TECRL: variants seen among roughly 807,000 people sequenced by gnomAD.
TECRL encodes trans-2,3-enoyl-CoA reductase like, also known as trans-2,3-enoyl-CoA reductase-like.
Under a neutral mutation model 52.8 loss-of-function variants are expected in TECRL, and 63 were observed. That is an observed-to-expected ratio of 1.19 (90% CI 0.97 to 1.47). The LOEUF is 1.47. TECRL is among the 40% of genes most tolerant of loss of function. TECRL has a pLI of 0.00. For synonymous variants in TECRL, 164 were observed against 141.9 expected (o/e 1.16, Z -1.10); for missense variants, 482 against 429.6 (o/e 1.12, Z -1.08).
At position 64,303,139 on chromosome 4, in the gene TECRL, T is replaced by G. The variant is rs574270308; in HGVS notation, c.730+2027A>C. On this transcript the variant is annotated intron_variant, in intron 7 of 11. Coordinates refer to ENST00000381210, the MANE Select transcript of TECRL (RefSeq NM_001010874.5). ...ATAAATCTATTAATTATAATCAAAG[T>G]TTTGAAATGGGAAAATATTCTATTA... Among the ~76,000 whole-genome samples, 19 of 151,484 alleles carry G rather than the reference T, an allele frequency of 1.3e-4. 1 individual carries two copies. The highest frequency in any genetic ancestry group is 4.3e-4 in the African/African-American group (18 of 41,500).
intron 2 of TECRL, among the ~76,000 whole-genome samples, chr4:64,340,335 G>C (rs920724432): frequency 1.3e-5 from 2 of 152,236 alleles, no homozygotes; most frequent in African/African-American, 4.8e-5. Flanking sequence ...AATCATGGCT[G>C]CAGGCCCAGG....
chr4:64,341,663 G>C (rs914683726), intron 2 of TECRL, among the ~76,000 whole-genome samples: 1 of 152,116 alleles, frequency 6.6e-6, no homozygotes, highest in African/African-American at 2.4e-5. Flanking sequence ...TGAAGAGAAG[G>C]AGAGAAAAGC....
At chr4:64,331,434 T>A (rs922027987) in intron 2 of TECRL, among the ~76,000 whole-genome samples, 8 of 152,046 alleles carry the variant, frequency 5.3e-5, no homozygotes. Flanking sequence ...TTAGGTAACA[T>A]AGCTTAAAAC....
chr4:64,296,382 T>C (rs193220470), intron 8 of TECRL, among the ~76,000 whole-genome samples: 23 of 151,992 alleles, frequency 1.5e-4, no homozygotes, highest in Admixed American at 2.6e-4. Context: ...TATTTTTTTT[T>C]CTTCTCCAAG....
chr4:64,366,906 T>A (rs1270237180), intron 2 of TECRL, among the ~76,000 whole-genome samples: 8 of 151,892 alleles, frequency 5.3e-5, no homozygotes, highest in Non-Finnish European at 1.2e-4. Flanking sequence ...TGAAGGAATA[T>A]GTCATTCTAC....
At chr4:64,390,031 C>T (rs1723439038) in intron 1 of TECRL, among the ~76,000 whole-genome samples, 2 of 151,804 alleles carry the variant, frequency 1.3e-5, no homozygotes, top group South Asian at 4.1e-4. Context: ...CTGACTTCTA[C>T]CTGATGAGTG....
chr4:64,291,205 A>G (rs1360954748), intron 8 of TECRL, among the ~76,000 whole-genome samples: 1 of 152,066 alleles, frequency 6.6e-6, no homozygotes, highest in Non-Finnish European at 1.5e-5. Context: ...AATTGAGTAA[A>G]GTCAAGTACC....
chr4:64,325,633 A>G (rs1560500882), intron 3 of TECRL, among the ~76,000 whole-genome samples: 1 of 152,206 alleles, frequency 6.6e-6, no homozygotes, highest in Non-Finnish European at 1.5e-5. Context: ...AATTGTCAGT[A>G]GTATTAAGAC....
intron 1 of TECRL, among the ~76,000 whole-genome samples, chr4:64,394,259 G>T (rs1723762171): frequency 6.6e-6 from 1 of 152,124 alleles, no homozygotes; most frequent in Non-Finnish European, 1.5e-5. Context: ...CTGCAGTATG[G>T]CAGGTAGCGT....
In TECRL at chr4:64,324,231, C is replaced by A. The variant is rs150984143; in HGVS notation, c.332-1439G>T. ...ATGTAAAAAAATATCTTTTTAAGCACTATTTATAATAAAATATTTGAAAAA... is the reference window on the plus strand; with the variant it reads ...ATGTAAAAAAATATCTTTTTAAGCAATATTTATAATAAAATATTTGAAAAA... On this transcript the variant is annotated intron_variant, in intron 3 of 11. Transcript: ENST00000381210. Among the ~76,000 whole-genome samples, 1,193 of 152,000 alleles carry A rather than the reference C, an allele frequency of 7.8e-3. 19 individuals carry two copies. Among genetic ancestry groups the A allele is most frequent in the African/African-American group, 0.027 (1,120 of 41,442 alleles).
At chr4:64,338,159 C>A (rs1719257777) in intron 2 of TECRL, among the ~76,000 whole-genome samples, 1 of 152,048 alleles carries the variant, frequency 6.6e-6, no homozygotes, top group South Asian at 2.1e-4. Flanking sequence ...TTTGACAAAC[C>A]TGACAAAAAC....
intron 8 of TECRL, among the ~76,000 whole-genome samples, 196 bp from the exon 9 acceptor site, chr4:64,289,963 A>T (rs937652218): frequency 2.0e-5 from 3 of 152,186 alleles, no homozygotes; most frequent in African/African-American, 7.2e-5. Context: ...TATATTGAAT[A>T]AAAAGTCACA....
At chr4:64,345,084 T>C (rs564806725) in intron 2 of TECRL, among the ~76,000 whole-genome samples, 4 of 152,202 alleles carry the variant, frequency 2.6e-5, no homozygotes, top group South Asian at 2.1e-4. Flanking sequence ...TGTGGAGAAA[T>C]AGGAACACTT....
chr4:64,346,253 C>A (rs947199896), intron 2 of TECRL, among the ~76,000 whole-genome samples: 25 of 152,198 alleles, frequency 1.6e-4, no homozygotes, highest in African/African-American at 5.1e-4. Context: ...GTGGATCTAC[C>A]ATTCTGGGAT....
At chr4:64,301,467 G>A (rs779508922) in intron 7 of TECRL, among the ~76,000 whole-genome samples, 3 of 151,086 alleles carry the variant, frequency 2.0e-5, no homozygotes, top group Admixed American at 6.6e-5. Flanking sequence ...TCAAGAATTC[G>A]CATGACAGGC....
At chr4:64,314,478 G>C (rs1428197737) in intron 5 of TECRL, among the ~76,000 whole-genome samples, 170 bp downstream of exon 5, 1 of 152,058 alleles carries the variant, frequency 6.6e-6, no homozygotes, top group Non-Finnish European at 1.5e-5. Context: ...TACACTATGT[G>C]TGGTTATCTA....
chr4:64,303,901 ATTTGAGTCCTAAT>A (rs1204515944), intron 7 of TECRL, among the ~76,000 whole-genome samples: 1 of 151,838 alleles, frequency 6.6e-6, no homozygotes, highest in Non-Finnish European at 1.5e-5. Flanking sequence ...TTTTCACAGA[ATTTGAGTCCTAAT>A]TGTATCTTAT....
intron 5 of TECRL, among the ~76,000 whole-genome samples, chr4:64,310,490 G>T (rs1487618320): frequency 6.6e-6 from 1 of 151,946 alleles, no homozygotes; most frequent in Admixed American, 6.6e-5. Context: ...TTGTGTGTTT[G>T]TTTGTGTTGC....
chr4:64,349,253 C>T (rs1156601176), intron 2 of TECRL, among the ~76,000 whole-genome samples: 1 of 151,604 alleles, frequency 6.6e-6, no homozygotes, highest in Non-Finnish European at 1.5e-5. Context: ...CTGCCTCAAC[C>T]TCCCGAGTAG....
Sources: allele counts gnomAD v4.1 joint callset (sites outside exome capture counted in the v4.1 genomes callset), GRCh38; gene constraint gnomAD v4.1.1; transcripts MANE v1.5; gene names NCBI Gene and HGNC (gene_info 2026-07-23, HGNC 2026-07-21).